PCTP: variants seen among roughly 807,000 people sequenced by gnomAD.
PCTP encodes START domain-containing protein 2.
PCTP carries 27 observed loss-of-function variants against 31.0 expected under a neutral mutation model. The observed-to-expected ratio is 0.87, with a 90% confidence interval of 0.64 to 1.20. The LOEUF (loss-of-function observed/expected upper bound fraction) is 1.20. PCTP is among the 50% of genes most tolerant of loss of function. The probability of loss-of-function intolerance (pLI) is 0.00; values close to 1 mark genes in which losing one functional copy is unlikely to be tolerated. For missense variants in PCTP, 287 were observed against 268.2 expected, an observed-to-expected ratio of 1.07 and a Z score of -0.49; for synonymous variants, 108 against 101.2, an observed-to-expected ratio of 1.07 and a Z score of -0.40.
At chr17:55,799,163 A>G (rs1912285286) in intron 3 of PCTP, among the ~76,000 whole-genome samples, 1 of 152,030 alleles carries the variant, frequency 6.6e-6, no homozygotes, top group African/African-American at 2.4e-5. Flanking sequence ...AATGCCAAAT[A>G]TATCAATAAT....
At chr17:55,794,278 T>C (rs1301078928) in intron 3 of PCTP, among the ~76,000 whole-genome samples, 1 of 150,988 alleles carries the variant, frequency 6.6e-6, no homozygotes, top group Non-Finnish European at 1.5e-5. Flanking sequence ...TTAAATGAAA[T>C]CATACTCTAA....
intron 5 of PCTP, among the ~76,000 whole-genome samples, chr17:55,836,781 A>C (rs1050280562): frequency 4.6e-5 from 7 of 152,224 alleles, no homozygotes; most frequent in Admixed American, 2.0e-4. Flanking sequence ...CCATGCTAAG[A>C]CTACATCAAT....
chr17:55,847,368 T>C (rs1000411111), downstream of PCTP, among the ~76,000 whole-genome samples: 5 of 152,190 alleles, frequency 3.3e-5, no homozygotes, highest in African/African-American at 7.2e-5. Flanking sequence ...TCCCCAGGTA[T>C]TGAGGGAGGG....
At chr17:55,813,980 T>C (rs1446137446) in intron 3 of PCTP, among the ~76,000 whole-genome samples, 2 of 151,592 alleles carry the variant, frequency 1.3e-5, no homozygotes, top group Non-Finnish European at 2.9e-5. Context: ...AAGTCAAGGC[T>C]GCAGTTATGA....
chr17:55,813,847 A>G (rs1243242550), intron 3 of PCTP, among the ~76,000 whole-genome samples: 3 of 152,168 alleles, frequency 2.0e-5, no homozygotes, highest in Non-Finnish European at 1.5e-5. Flanking sequence ...GTTCAAGACC[A>G]GCCTGGACAA....
At chr17:55,810,286 G>C (rs969548272) in intron 3 of PCTP, among the ~76,000 whole-genome samples, 10 of 152,180 alleles carry the variant, frequency 6.6e-5, no homozygotes, top group Admixed American at 6.5e-5. Flanking sequence ...CAAAGCATTG[G>C]GATTATAGGC....
downstream of PCTP, among the ~76,000 whole-genome samples, chr17:55,826,448 C>T (rs192428693): frequency 1.3e-4 from 19 of 146,388 alleles, no homozygotes; most frequent in African/African-American, 2.3e-4. Flanking sequence ...TATCCATCTC[C>T]GAAGGATTAA....
chr17:55,751,438 G>C, intron 1 of PCTP, 194 bp downstream of exon 1: 1 of 1,533,998 alleles, frequency 6.5e-7, no homozygotes, highest in South Asian at 1.2e-5. Context: ...CTGCCGTGCA[G>C]ATCCAGGGGA....
intron 5 of PCTP, chr17:55,775,670 C>T: frequency 8.3e-7 from 1 of 1,208,520 alleles, no homozygotes; most frequent in Non-Finnish European, 1.0e-6. Flanking sequence ...CAATCCTTAC[C>T]ATTTTCTAAT....
At chr17:55,838,729 C>T (rs1447720472) in intron 5 of PCTP, among the ~76,000 whole-genome samples, 6 of 152,172 alleles carry the variant, frequency 3.9e-5, no homozygotes, top group Non-Finnish European at 7.3e-5. Context: ...TATCCCAGAC[C>T]TCACCACAAT....
intron 2 of PCTP, among the ~76,000 whole-genome samples, chr17:55,785,244 G>T (rs934974772): frequency 6.6e-6 from 1 of 152,238 alleles, no homozygotes; most frequent in Non-Finnish European, 1.5e-5. Flanking sequence ...CCTATGGAAG[G>T]TCAATGTGAC....
At chr17:55,809,873 G>T (rs1912693733) in intron 3 of PCTP, among the ~76,000 whole-genome samples, 1 of 152,092 alleles carries the variant, frequency 6.6e-6, no homozygotes, top group East Asian at 1.9e-4. Flanking sequence ...TTGTGTGTGT[G>T]TTTTCTCTAT....
intron 2 of PCTP, among the ~76,000 whole-genome samples, chr17:55,784,930 T>G (rs1911695899): frequency 6.6e-6 from 1 of 152,250 alleles, no homozygotes; most frequent in African/African-American, 2.4e-5. Flanking sequence ...TTGCATTTAC[T>G]GTCCCCAACA....
At chr17:55,790,943 G>T (rs1911943334) in intron 3 of PCTP, among the ~76,000 whole-genome samples, 1 of 151,368 alleles carries the variant, frequency 6.6e-6, no homozygotes, top group Non-Finnish European at 1.5e-5. Flanking sequence ...CATGATACTG[G>T]TACCAAAACA....
At chr17:55,791,956 C>A (rs919323771) in intron 3 of PCTP, among the ~76,000 whole-genome samples, 1 of 151,858 alleles carries the variant, frequency 6.6e-6, no homozygotes, top group African/African-American at 2.4e-5. Context: ...CACATATACA[C>A]CATGGAATAC....
rs1176839363 is a variant in PCTP, at chr17:55,801,795, A to C, written c.317+14141A>C. Among the ~76,000 whole-genome samples the C allele has an allele frequency of 2.0e-5, 3 of 152,194 alleles. No individual in the cohort carries two copies. In the East Asian group the frequency reaches 5.8e-4, roughly 29 times the overall value. On this transcript the variant is annotated intron_variant, in intron 3 of 3. Coordinates refer to the PCTP transcript ENST00000572536. ...CTAAGATTGACACCCTGACATCACA[A>C]TTGAAAGAACAAGAGAAGCAAGAGC...
chr17:55,809,070 G>C (rs534131981), intron 3 of PCTP, among the ~76,000 whole-genome samples: 1 of 152,128 alleles, frequency 6.6e-6, no homozygotes, highest in Non-Finnish European at 1.5e-5. Flanking sequence ...GGGTAAAAAA[G>C]ACATTTTTGG....
At chr17:55,839,695 C>T (rs544067067) in intron 5 of PCTP, among the ~76,000 whole-genome samples, 8 of 151,534 alleles carry the variant, frequency 5.3e-5, no homozygotes, top group Middle Eastern at 3.4e-3. Flanking sequence ...CCGAGGCGGG[C>T]GGATCACGAG....
At chr17:55,768,800 A>G (rs924668514) in intron 2 of PCTP, 23 of 152,192 alleles carry the variant, frequency 1.5e-4, no homozygotes, top group African/African-American at 5.1e-4. Context: ...TATGAAAGAC[A>G]TCACACAGGG....
Sources: gnomAD v4.1 joint callset for allele counts (sites outside exome capture counted in the v4.1 genomes callset) on GRCh38, gnomAD v4.1.1 for gene constraint, MANE v1.5 for transcripts, NCBI Gene and HGNC (gene_info 2026-07-23, HGNC 2026-07-21) for gene names.